ATP8A1: variants seen among roughly 807,000 people sequenced by gnomAD.
ATP8A1 encodes phospholipid-transporting ATPase IA.
In ATP8A1, 90 loss-of-function variants were observed where a neutral mutation model predicts 177.7. The ratio of observed to expected loss-of-function variants is 0.51; its 90% CI spans 0.43 to 0.60. ATP8A1 has a LOEUF of 0.60. Ranked by LOEUF, ATP8A1 falls within the 20% of genes least tolerant of loss-of-function variation. ATP8A1 has a pLI of 0.00. For missense variants in ATP8A1, 1,072 were observed against 1,392.8 expected, an observed-to-expected ratio of 0.77 and a Z score of 3.67; for synonymous variants, 493 against 485.9, an observed-to-expected ratio of 1.01 and a Z score of -0.19.
Position 42,440,939 on chromosome 4 carries a change from G to A in ATP8A1, c.3123+2626C>T, listed in dbSNP as rs193188391. Among the ~76,000 whole-genome samples, 400 of 152,062 alleles carry A rather than the reference G, an allele frequency of 2.6e-3. 1 individual carries two copies. Among genetic ancestry groups the A allele is most frequent in the African/African-American group, 9.4e-3 (389 of 41,466 alleles). ...CGTACATAATTAATTATTTAGTGTG[G>A]AAGGAATTGCTGCCAAATCAACACA... On this transcript the variant is annotated intron_variant, in intron 33 of 36. Transcript: ENST00000381668.
chr4:42,469,744 A>G (rs1362830524), intron 25 of ATP8A1, among the ~76,000 whole-genome samples: 4 of 152,166 alleles, frequency 2.6e-5, no homozygotes, highest in African/African-American at 7.2e-5. Context: ...TCTCCAGAAT[A>G]TATTATTTTC....
chr4:42,555,680 G>A (rs1247759783), intron 16 of ATP8A1, among the ~76,000 whole-genome samples: 4 of 151,972 alleles, frequency 2.6e-5, no homozygotes, highest in East Asian at 1.9e-4. Context: ...AAAATTAGCC[G>A]GGTGTGGTGG....
intron 1 of ATP8A1, among the ~76,000 whole-genome samples, chr4:42,641,380 T>G (rs929734146): frequency 6.6e-6 from 1 of 152,108 alleles, no homozygotes; most frequent in Non-Finnish European, 1.5e-5. Flanking sequence ...CTTAAAAGGG[T>G]GTGTGTGGGT....
chr4:42,567,718 T>C (rs890196178), intron 15 of ATP8A1, among the ~76,000 whole-genome samples: 3 of 152,208 alleles, frequency 2.0e-5, no homozygotes, highest in Non-Finnish European at 4.4e-5. Context: ...TCCAAAAGGG[T>C]GTTTTACAAA....
chr4:42,578,186 T>C, intron 12 of ATP8A1, 74 bp downstream of exon 12: 1 of 1,381,990 alleles, frequency 7.2e-7, no homozygotes. Context: ...AAAACCTTTT[T>C]TCTCCTGAGA....
In ATP8A1 at chr4:42,497,528, G is replaced by A. The variant is rs534631073; in HGVS notation, c.2151+5922C>T. On this transcript the variant is annotated intron_variant, in intron 24 of 36. Transcript: ENST00000381668. ...AGAGTTCAGAAATTTAGCCAAAAAT[G>A]AGGCAAAGAATATTCAGGGTTGAGG... Among the ~76,000 whole-genome samples the A allele has an allele frequency of 1.6e-3, 240 of 152,298 alleles. 1 individual carries two copies. Among genetic ancestry groups the A allele is most frequent in the African/African-American group, 5.4e-3 (226 of 41,562 alleles).
At chr4:42,607,177 G>C (rs1416126023) in intron 5 of ATP8A1, among the ~76,000 whole-genome samples, 2 of 152,108 alleles carry the variant, frequency 1.3e-5, no homozygotes, top group Non-Finnish European at 2.9e-5. Flanking sequence ...AAATGAGGAC[G>C]TACTTCTACC....
intron 33 of ATP8A1, among the ~76,000 whole-genome samples, chr4:42,441,115 G>A (rs979187915): frequency 3.9e-5 from 6 of 152,092 alleles, no homozygotes; most frequent in African/African-American, 1.2e-4. Flanking sequence ...GTTTCATTAC[G>A]TGGATATCAT....
intron 24 of ATP8A1, among the ~76,000 whole-genome samples, chr4:42,495,614 GTTTTT>G (rs67918221): frequency 4.8e-5 from 7 of 146,598 alleles, no homozygotes; most frequent in Non-Finnish European, 6.1e-5. Context: ...GTATTTATTG[GTTTTT>G]TTTTTTTGAT....
chr4:42,414,490 T>A (rs564641309), intron 36 of ATP8A1, 137 bp downstream of exon 36: 26 of 676,096 alleles, frequency 3.8e-5, no homozygotes, highest in African/African-American at 7.2e-5. Flanking sequence ...TTTCTGTTAT[T>A]TACAGGTTAC....
chr4:42,415,373 A>AAT (rs1713117126), intron 35 of ATP8A1, among the ~76,000 whole-genome samples: 1 of 152,216 alleles, frequency 6.6e-6, no homozygotes, highest in African/African-American at 2.4e-5. Context: ...AAGTGTTTAG[A>AAT]ATAGTTGTCT....
chr4:42,521,392 AG>A (rs1179472758), intron 22 of ATP8A1, among the ~76,000 whole-genome samples: 1 of 152,138 alleles, frequency 6.6e-6, no homozygotes, highest in Non-Finnish European at 1.5e-5. Flanking sequence ...AGCACCTCAA[AG>A]GGATGTTGTG....
chr4:42,595,221 C>G (rs181038376), intron 6 of ATP8A1, among the ~76,000 whole-genome samples: 382 of 152,208 alleles, frequency 2.5e-3, no homozygotes, highest in Non-Finnish European at 4.1e-3. Context: ...TAAATTAAAG[C>G]CTGTTTGTTC....
intron 22 of ATP8A1, among the ~76,000 whole-genome samples, chr4:42,514,870 G>A (rs1195126937): frequency 6.6e-6 from 1 of 152,092 alleles, no homozygotes; most frequent in Non-Finnish European, 1.5e-5. Flanking sequence ...ATTTAATAAG[G>A]ATGTTCTGCA....
chr4:42,642,865 T>G (rs1016723287), intron 1 of ATP8A1, among the ~76,000 whole-genome samples: 5 of 152,130 alleles, frequency 3.3e-5, no homozygotes, highest in Non-Finnish European at 7.4e-5. Flanking sequence ...ATAAGAAAAC[T>G]CCACGAAGAC....
chr4:42,568,144 C>T (rs578210766), intron 15 of ATP8A1, among the ~76,000 whole-genome samples: 51 of 152,198 alleles, frequency 3.4e-4, no homozygotes, highest in African/African-American at 9.9e-4. Flanking sequence ...TCAAAATGTA[C>T]GACACTCCAA....
At chr4:42,645,537 A>G (rs1268226293) in intron 1 of ATP8A1, among the ~76,000 whole-genome samples, 2 of 152,186 alleles carry the variant, frequency 1.3e-5, no homozygotes, top group African/African-American at 2.4e-5. Context: ...GAACAGACCA[A>G]CTGATTCCAT....
intron 15 of ATP8A1, chr4:42,561,909 G>A (rs1022738049): frequency 1.3e-5 from 2 of 152,224 alleles, no homozygotes; most frequent in Non-Finnish European, 2.9e-5. Context: ...TGGGCCAGGT[G>A]TTAGTTGCAC....
Position 42,656,959 on chromosome 4 carries a change from C to A in ATP8A1, c.-86G>T, listed in dbSNP as rs1741703928. 2 of 1,332,208 alleles carry A rather than the reference C, an allele frequency of 1.5e-6. No individual in the cohort carries two copies. The highest frequency in any genetic ancestry group is 3.6e-5 in the South Asian group (2 of 55,884). 82.5% of individuals were successfully genotyped at this position (1,332,208 alleles called of 1,614,324 possible). On this transcript the variant is annotated 5_prime_UTR_variant, in exon 1 of 37. Coordinates refer to ENST00000381668, the MANE Select transcript of ATP8A1 (RefSeq NM_006095.2). ...ACGCGGGAGACCCGGCTGCGCCGCG[C>A]AGAGCGCTCAGCTGCAGCCTGGGCC... is the stretch of plus-strand genomic sequence containing the variant.
Sources: allele counts gnomAD v4.1 joint callset (sites outside exome capture counted in the v4.1 genomes callset), GRCh38; gene constraint gnomAD v4.1.1; transcripts MANE v1.5; gene names NCBI Gene and HGNC (gene_info 2026-07-23, HGNC 2026-07-21).